CSMD1: variants seen among roughly 807,000 people sequenced by gnomAD.
The protein encoded by CSMD1 is CUB and Sushi multiple domains 1.
A neutral mutation model predicts 417.5 loss-of-function variants in CSMD1; 213 were observed. The ratio of observed to expected loss-of-function variants is 0.51; its 90% CI spans 0.46 to 0.57. The LOEUF (loss-of-function observed/expected upper bound fraction) is 0.57. CSMD1 is among the 20% of genes least tolerant of loss of function. The pLI is 0.00. For missense variants in CSMD1, 6,923 were observed against 4,529.7 expected, an observed-to-expected ratio of 1.53 and a Z score of -15.17; for synonymous variants, 2,862 against 1,736.8, an observed-to-expected ratio of 1.65 and a Z score of -16.11.
chr8:4,002,052 T>C (rs192160303), intron 4 of CSMD1, among the ~76,000 whole-genome samples: 2 of 152,166 alleles, frequency 1.3e-5, no homozygotes, highest in African/African-American at 2.4e-5. Flanking sequence ...ACATAAAATA[T>C]AGTAGAAGAT....
intron 7 of CSMD1, among the ~76,000 whole-genome samples, chr8:3,635,257 T>C (rs948785497): frequency 1.2e-4 from 18 of 151,996 alleles, no homozygotes; most frequent in African/African-American, 4.3e-4. Context: ...GGGTGGATCA[T>C]GAGGTCAGGT....
At chr8:4,122,603 T>C (rs1212222915) in intron 3 of CSMD1, among the ~76,000 whole-genome samples, 1 of 152,202 alleles carries the variant, frequency 6.6e-6, no homozygotes, top group Non-Finnish European at 1.5e-5. Flanking sequence ...ATTAGGGCTC[T>C]TCTGCAGAGA....
At chr8:4,097,412 A>C (rs950266290) in intron 3 of CSMD1, among the ~76,000 whole-genome samples, 1 of 152,200 alleles carries the variant, frequency 6.6e-6, no homozygotes, top group African/African-American at 2.4e-5. Flanking sequence ...CCACACATGA[A>C]CGTTGTATAC....
intron 3 of CSMD1, among the ~76,000 whole-genome samples, chr8:4,064,976 C>T (rs1338539278): frequency 6.6e-6 from 1 of 151,602 alleles, no homozygotes; most frequent in African/African-American, 2.4e-5. Flanking sequence ...CATTCACTAA[C>T]TTTTGTGTCA....
intron 3 of CSMD1, among the ~76,000 whole-genome samples, chr8:4,265,057 T>C (rs1258751890): frequency 6.6e-6 from 1 of 152,188 alleles, no homozygotes; most frequent in African/African-American, 2.4e-5. Context: ...TTTGCCTTGA[T>C]ACAAAGGCTG....
intron 2 of CSMD1, among the ~76,000 whole-genome samples, chr8:4,494,627 G>A (rs1237653462): frequency 2.0e-5 from 3 of 151,940 alleles, no homozygotes; most frequent in African/African-American, 4.8e-5. Flanking sequence ...TTAAAAGAAA[G>A]TTCGCTTCAT....
chr8:4,332,955 A>C (rs1185305200), intron 3 of CSMD1, among the ~76,000 whole-genome samples: 2 of 151,870 alleles, frequency 1.3e-5, no homozygotes, highest in African/African-American at 2.4e-5. Context: ...AAAAAAAAAA[A>C]AACTAAGATT....
chr8:3,450,265 T>A (rs1342472432), intron 12 of CSMD1, among the ~76,000 whole-genome samples: 4 of 151,944 alleles, frequency 2.6e-5, no homozygotes, highest in Admixed American at 2.6e-4. Context: ...TAATCAGGAG[T>A]TTCAGATCTT....
chr8:4,582,002 G>A (rs1799441837), intron 2 of CSMD1, among the ~76,000 whole-genome samples: 2 of 152,126 alleles, frequency 1.3e-5, no homozygotes, highest in South Asian at 4.2e-4. Context: ...AATCTCAGTA[G>A]CCTACGATGA....
At chr8:4,256,641 C>T (rs530927121) in intron 3 of CSMD1, among the ~76,000 whole-genome samples, 77 of 152,236 alleles carry the variant, frequency 5.1e-4, no homozygotes, top group Non-Finnish European at 4.3e-4. Flanking sequence ...TGAAAGGGGG[C>T]GCCCCAAGTC....
chr8:4,530,314 CTTTTTTTTTTTTTTT>C (rs759268228), intron 2 of CSMD1, among the ~76,000 whole-genome samples: 11 of 46,686 alleles, frequency 2.4e-4, no homozygotes, highest in East Asian at 2.2e-3. Flanking sequence ...ACAGGTAGTG[CTTTTTTTTTTTTTTT>C]TTTTTTTTTT....
rs555327848 is a variant in CSMD1, at chr8:3,985,052, G to A, written c.818+12851C>T. 5.3e-5 allele frequency among the ~76,000 whole-genome samples: 8 copies of A among 152,140 alleles called. No homozygotes were observed. The South Asian group carries it at 1.7e-3, about 32-fold the overall frequency. ...ACCACATTTTGATTACTGTGCTCAT[G>A]TTCTTAGCTTTCAAAAACACTGTGG... On this transcript the variant is annotated intron_variant, in intron 5 of 69. Transcript: ENST00000635120.
At chr8:4,263,883 G>C (rs545654187) in intron 3 of CSMD1, among the ~76,000 whole-genome samples, 3 of 152,116 alleles carry the variant, frequency 2.0e-5, no homozygotes, top group Non-Finnish European at 4.4e-5. Flanking sequence ...AGAATGCTCA[G>C]AACAATTATA....
chr8:4,808,608 A>C (rs1798719611), intron 1 of CSMD1, among the ~76,000 whole-genome samples: 2 of 152,218 alleles, frequency 1.3e-5, no homozygotes, highest in South Asian at 4.1e-4. Context: ...GGTTTCACCC[A>C]AAAATTAAAT....
In CSMD1 at chr8:4,007,628, G is replaced by C. The variant is rs999883921; in HGVS notation, c.611-9518C>G. ...GCTTTATGAGCCTGTTCTTGCACTT[G>C]CGTGCACCTGTTCCTAGGAGGCGGC... On this transcript the variant is annotated intron_variant, in intron 4 of 69. Coordinates refer to ENST00000635120, the MANE Select transcript of CSMD1 (RefSeq NM_033225.6). Among the ~76,000 whole-genome samples, 107 of 152,144 alleles carry C rather than the reference G, an allele frequency of 7.0e-4. 1 individual carries two copies. Among genetic ancestry groups the C allele is most frequent in the African/African-American group, 2.6e-3 (106 of 41,506 alleles).
chr8:3,880,482 A>T (rs1036065057), intron 5 of CSMD1, among the ~76,000 whole-genome samples: 3 of 152,098 alleles, frequency 2.0e-5, no homozygotes, highest in African/African-American at 2.4e-5. Flanking sequence ...GCTTCACTTT[A>T]TTTCCTTAGA....
chr8:3,074,643 G>A (rs1329581448), intron 49 of CSMD1, among the ~76,000 whole-genome samples: 5 of 152,216 alleles, frequency 3.3e-5, no homozygotes, highest in Non-Finnish European at 7.3e-5. Context: ...GTGCAAAGAT[G>A]TTTCTGAATG....
At chr8:4,664,433 G>C (rs752479971) in intron 1 of CSMD1, among the ~76,000 whole-genome samples, 34 of 152,018 alleles carry the variant, frequency 2.2e-4, no homozygotes, top group African/African-American at 3.6e-4. Flanking sequence ...GGTAGTTCCC[G>C]CCTGTGGTCT....
chr8:4,220,510 C>T (rs1015558481), intron 3 of CSMD1, among the ~76,000 whole-genome samples: 3 of 152,128 alleles, frequency 2.0e-5, no homozygotes, highest in Non-Finnish European at 4.4e-5. Context: ...AATATCTAAT[C>T]CTAGTGCAAG....
Sources: allele counts gnomAD v4.1 joint callset (sites outside exome capture counted in the v4.1 genomes callset), GRCh38; gene constraint gnomAD v4.1.1; transcripts MANE v1.5; gene names NCBI Gene and HGNC (gene_info 2026-07-23, HGNC 2026-07-21).